The following GRM7 variants were observed in gnomAD, a reference collection of about 807,000 sequenced individuals.
GRM7 encodes glutamate metabotropic receptor 7, also known as metabotropic glutamate receptor 7.
GRM7 carries 35 observed loss-of-function variants against 84.5 expected under a neutral mutation model. The observed-to-expected ratio is 0.41, with a 90% CI of 0.32 to 0.55. The LOEUF is 0.55. GRM7 is among the 20% of genes least tolerant of loss of function. GRM7 has a pLI of 0.19. For missense variants in GRM7, 1,003 were observed against 1,194.6 expected (o/e 0.84, Z 2.36); for synonymous variants, 487 against 455.1 (o/e 1.07, Z -0.89).
intron 1 of GRM7, among the ~76,000 whole-genome samples, chr3:6,885,142 C>T (rs1009443206): frequency 1.3e-5 from 2 of 152,032 alleles, no homozygotes; most frequent in Admixed American, 6.6e-5. Flanking sequence ...AGGCTTAGCC[C>T]GAGAGGGTTC....
chr3:7,539,419 G>A (rs1418995331), intron 7 of GRM7, among the ~76,000 whole-genome samples: 1 of 152,174 alleles, frequency 6.6e-6, no homozygotes, highest in Admixed American at 6.5e-5. Flanking sequence ...GCTCACGCCT[G>A]TAATCCCAGC....
At chr3:7,006,476 A>T (rs1695185820) in intron 1 of GRM7, among the ~76,000 whole-genome samples, 1 of 152,190 alleles carries the variant, frequency 6.6e-6, no homozygotes, top group Non-Finnish European at 1.5e-5. Context: ...GATTGTAAAG[A>T]CTGTTCATCT....
intron 4 of GRM7, among the ~76,000 whole-genome samples, chr3:7,350,610 C>A (rs1693097427): frequency 1.3e-5 from 2 of 152,072 alleles, no homozygotes; most frequent in Non-Finnish European, 1.5e-5. Flanking sequence ...TCAGGCATTT[C>A]TTTATAGCAG....
Position 7,468,085 on chromosome 3 carries a change from G to T in GRM7, c.1515+6363G>T, listed in dbSNP as rs1698535766. Among the ~76,000 whole-genome samples the T allele has an allele frequency of 2.0e-5, 3 of 152,142 alleles. No individual in the cohort carries two copies. The South Asian group carries it at 6.2e-4, about 32-fold the overall frequency. On this transcript the variant is annotated intron_variant, in intron 7 of 9. Transcript: ENST00000357716. ...TCCAAATCAATATGGACTTATACCT[G>T]CCTATAAAACTGCTAATCACTCTAT...
At chr3:7,522,191 A>T (rs1288051061) in intron 7 of GRM7, among the ~76,000 whole-genome samples, 1 of 152,190 alleles carries the variant, frequency 6.6e-6, no homozygotes, top group Non-Finnish European at 1.5e-5. Flanking sequence ...AAATCATTGT[A>T]ACATGACTGG....
At chr3:7,425,674 A>T (rs541431777) in intron 5 of GRM7, among the ~76,000 whole-genome samples, 2 of 152,334 alleles carry the variant, frequency 1.3e-5, no homozygotes, top group Admixed American at 1.3e-4. Context: ...GGATTACAAG[A>T]TGCTATTGCT....
intron 9 of GRM7, among the ~76,000 whole-genome samples, chr3:7,732,226 G>A (rs1394169): frequency 0.045 from 6,829 of 152,192 alleles, 237 homozygotes; most frequent in Middle Eastern, 0.075. Flanking sequence ...CAGTGGGCAG[G>A]AAGGGCAATT....
At chr3:7,477,679 A>G (rs1205851202) in intron 7 of GRM7, among the ~76,000 whole-genome samples, 5 of 152,190 alleles carry the variant, frequency 3.3e-5, no homozygotes, top group Non-Finnish European at 7.3e-5. Context: ...ACGCGAAGAA[A>G]CATCACCATA....
At chr3:7,321,612 GT>G (rs568422134) in intron 4 of GRM7, among the ~76,000 whole-genome samples, 32 of 145,542 alleles carry the variant, frequency 2.2e-4, no homozygotes, top group African/African-American at 2.5e-4. Flanking sequence ...TTTTATGTTT[GT>G]TTTTTTTTTC....
chr3:7,179,683 A>G (rs1221003280), intron 2 of GRM7, among the ~76,000 whole-genome samples: 2 of 152,200 alleles, frequency 1.3e-5, no homozygotes, highest in Non-Finnish European at 1.5e-5. Context: ...TACTTGATTC[A>G]TTCAGCTTGT....
intron 1 of GRM7, among the ~76,000 whole-genome samples, chr3:7,143,937 C>T (rs893923515): frequency 2.6e-5 from 4 of 152,090 alleles, no homozygotes; most frequent in African/African-American, 9.7e-5. Context: ...AGCCTTTATT[C>T]AGTTGATATT....
At chr3:7,410,598 T>TACACACACACACACACACACACACAC (rs35513247) in intron 4 of GRM7, among the ~76,000 whole-genome samples, 1 of 142,600 alleles carries the variant, frequency 7.0e-6, no homozygotes, top group Non-Finnish European at 1.5e-5. Context: ...TATATATATA[T>TACACACACACACACACACACACACAC]ACACACACAC....
chr3:6,960,448 T>A (rs1575069901), intron 1 of GRM7, among the ~76,000 whole-genome samples: 1 of 152,112 alleles, frequency 6.6e-6, no homozygotes, highest in African/African-American at 2.4e-5. Context: ...GACACTAATT[T>A]ATCTCCCACC....
chr3:7,691,540 C>T (rs1176350063), intron 9 of GRM7, among the ~76,000 whole-genome samples: 1 of 152,112 alleles, frequency 6.6e-6, no homozygotes, highest in Non-Finnish European at 1.5e-5. Flanking sequence ...TGATGAGGTA[C>T]CATGGAGGTG....
rs569555071 is a variant in GRM7, at chr3:7,121,548, T to TA, written c.520-24903dup. Among the ~76,000 whole-genome samples the TA allele has an allele frequency of 4.2e-4, 64 of 152,338 alleles. 1 individual carries two copies. Among genetic ancestry groups the TA allele is most frequent in the Admixed American group, 3.6e-3 (55 of 15,290 alleles). On this transcript the variant is annotated intron_variant, in intron 1 of 9. Transcript: ENST00000357716. ...AGAACCAAATTCCACCGTAGATTCT[T>TA]ACAACCAAAGCTTCAACATTATCCC...
intron 4 of GRM7, among the ~76,000 whole-genome samples, chr3:7,356,759 A>C (rs1693422758): frequency 6.6e-6 from 1 of 152,202 alleles, no homozygotes; most frequent in South Asian, 2.1e-4. Flanking sequence ...GAGGGGTCTC[A>C]GGCCTTTGGC....
chr3:7,468,518 A>G (rs1698554422), intron 7 of GRM7, among the ~76,000 whole-genome samples: 1 of 152,184 alleles, frequency 6.6e-6, no homozygotes, highest in African/African-American at 2.4e-5. Context: ...AGTGTCTGGC[A>G]TGTAGTAAAT....
rs140793008 is a variant in GRM7 at position 7,528,047 on chromosome 3, G to A, written c.1516-50375G>A. On this transcript the variant is annotated intron_variant, in intron 7 of 9. Transcript: ENST00000357716. ...GCATAATACTGGTTTCACAGAATAA[G>A]AGAGAAATCCCTCCTCCTTAATTTT... Among the ~76,000 whole-genome samples, 525 of 152,062 alleles carry A rather than the reference G, an allele frequency of 3.5e-3. 5 individuals are homozygous for A. The highest frequency in any genetic ancestry group is 0.012 in the African/African-American group (501 of 41,524).
At chr3:7,116,374 A>G (rs1357908344) in intron 1 of GRM7, among the ~76,000 whole-genome samples, 7 of 152,154 alleles carry the variant, frequency 4.6e-5, no homozygotes, top group Non-Finnish European at 8.8e-5. Context: ...CATATTGAAT[A>G]TATAAAACCA....
Sources: allele counts gnomAD v4.1 joint callset (sites outside exome capture counted in the v4.1 genomes callset), GRCh38; gene constraint gnomAD v4.1.1; transcripts MANE v1.5; gene names NCBI Gene and HGNC (gene_info 2026-07-23, HGNC 2026-07-21).